Variants in IKBIP observed in about 807,000 individuals in gnomAD.
The protein encoded by IKBIP is IKBKB interacting protein.
In IKBIP, 28 loss-of-function variants were observed where a neutral mutation model predicts 31.0. The ratio of observed to expected loss-of-function variants is 0.90; its 90% CI spans 0.67 to 1.24. The LOEUF is 1.24. IKBIP is among the 50% of genes most tolerant of loss of function. The probability of loss-of-function intolerance (pLI) is 0.00; values close to 1 mark genes in which losing one functional copy is unlikely to be tolerated. For synonymous variants in IKBIP, 164 were observed against 160.3 expected (o/e 1.02, Z -0.17); for missense variants, 453 against 441.9 (o/e 1.03, Z -0.23).
At chr12:98,635,862 T>A (rs1322997636) in intron 1 of IKBIP, among the ~76,000 whole-genome samples, 1 of 152,170 alleles carries the variant, frequency 6.6e-6, no homozygotes, top group African/African-American at 2.4e-5. Context: ...GCAGAGTGTA[T>A]AAACTGCACA....
At position 98,625,370 on chromosome 12, in the gene IKBIP, G is replaced by T; in HGVS notation, c.*560C>A. 1.2e-6 allele frequency: 1 copy of T among 834,746 alleles called. No individual in the cohort carries two copies. The highest frequency in any genetic ancestry group is 1.4e-6 in the Non-Finnish European group (1 of 692,550). 51.7% of individuals were successfully genotyped at this position (834,746 alleles called of 1,614,324 possible). A position where few individuals can be genotyped will look rare whatever the true frequency, so the allele number is the denominator to read the frequency against. On this transcript the variant is annotated 3_prime_UTR_variant, in exon 3 of 3. Transcript: ENST00000299157. ...TATTAATTCATAGCAAAGGCACCAG[G>T]CTCTCCCTCAGGCATGTTATCTTTT...
downstream of IKBIP, among the ~76,000 whole-genome samples, chr12:98,621,859 C>T (rs944488094): frequency 1.3e-5 from 2 of 152,076 alleles, no homozygotes; most frequent in Non-Finnish European, 2.9e-5. Context: ...AGACGGATCA[C>T]GAGGTCAAGA....
downstream of IKBIP, among the ~76,000 whole-genome samples, chr12:98,623,560 C>CTTTTTT (rs35433597): frequency 1.4e-4 from 9 of 64,192 alleles, no homozygotes; most frequent in East Asian, 1.1e-3. Context: ...CCTCCTTACA[C>CTTTTTT]TTTTTTTTTT....
exon 3 of IKBIP, chr12:98,613,879 G>T (rs760314864): frequency 4.7e-5 from 76 of 1,613,114 alleles, no homozygotes; most frequent in Non-Finnish European, 6.3e-5. Flanking sequence ...TATGTTTGTC[G>T]AAGTCACTCT....
At chr12:98,637,486 G>A (rs1323735645) in intron 1 of IKBIP, among the ~76,000 whole-genome samples, 1 of 152,056 alleles carries the variant, frequency 6.6e-6, no homozygotes, top group Admixed American at 6.6e-5. Flanking sequence ...TTGGCTTACT[G>A]CAACCTCTGC....
At chr12:98,641,052 C>A (rs996209204) in intron 1 of IKBIP, among the ~76,000 whole-genome samples, 1 of 152,352 alleles carries the variant, frequency 6.6e-6, no homozygotes, top group South Asian at 2.1e-4. Flanking sequence ...GGAGCCACCA[C>A]ACCTGGCCTA....
In IKBIP at chr12:98,626,271, T is replaced by C. The variant is rs2097614214; in HGVS notation, c.793A>G (p.Lys265Glu). 1 of 1,614,082 alleles carries C rather than the reference T, an allele frequency of 6.2e-7. No individual in the cohort carries two copies. The highest frequency in any genetic ancestry group is 1.3e-5 in the African/African-American group (1 of 74,944). ...AAATGTGTCTTGCATTCTTCAACTT[T>C]GGGTTCGTAGTCGGAAAGTTTATTA... is the stretch of plus-strand genomic sequence containing the variant. ...LTNKLSDYEP[K>E]VEECKTHLPT... The change falls in exon 3 of 3, where the codon AAA becomes GAA. Residue 265 changes from lysine (K) to glutamate (E), a missense_variant. Coordinates refer to ENST00000299157, the MANE Select transcript of IKBIP (RefSeq NM_153687.4).
At position 98,626,284 on chromosome 12, in the gene IKBIP, G is replaced by A. The variant is rs148522090; in HGVS notation, c.780C>T (p.Ser260=). 8.7e-6 allele frequency: 14 copies of A among 1,613,976 alleles called. No homozygotes were observed. Among genetic ancestry groups the A allele is most frequent in the Middle Eastern group, 1.6e-4 (1 of 6,084 alleles). The change falls in exon 3 of 3, where the codon TCC becomes TCT. Residue 260 remains serine (S), a synonymous_variant. Coordinates refer to ENST00000299157, the MANE Select transcript of IKBIP (RefSeq NM_153687.4). The part of the protein sequence containing the change: ...ARDEDLTNKL[S]DYEPKVEECK... ...ATTCTTCAACTTTGGGTTCGTAGTCGGAAAGTTTATTAGTCAGATCTTCAT... is the reference window on the plus strand; with the variant it reads ...ATTCTTCAACTTTGGGTTCGTAGTCAGAAAGTTTATTAGTCAGATCTTCAT...
At position 98,625,006 on chromosome 12, in the gene IKBIP, CCT is replaced by C. The variant is rs2097612977; in HGVS notation, c.*922_*923del. On this transcript the variant is annotated 3_prime_UTR_variant, in exon 3 of 3. Transcript: ENST00000299157. ...TTTTTTAGTAGAGACAGGGTTTCAC[CCT>C]GTTAGCCAGATGGTCTTGATCTCCT... 8 of 441,902 alleles carry C rather than the reference CCT, an allele frequency of 1.8e-5. No homozygotes were observed. The highest frequency in any genetic ancestry group is 2.4e-5 in the Non-Finnish European group (8 of 333,618). The allele number at this position is 441,902 out of a possible 1,614,324, so 27.4% of individuals were successfully genotyped here.
At chr12:98,636,390 A>G (rs1423634220) in intron 1 of IKBIP, among the ~76,000 whole-genome samples, 2 of 152,236 alleles carry the variant, frequency 1.3e-5, no homozygotes, top group East Asian at 3.8e-4. Context: ...TTCCACTGAA[A>G]GGCAATCATT....
intron 2 of IKBIP, among the ~76,000 whole-genome samples, chr12:98,630,809 T>C (rs2097619380): frequency 6.6e-6 from 1 of 152,230 alleles, no homozygotes. Context: ...CTAGCTGTTT[T>C]CCCCTCCATC....
chr12:98,614,130 G>A (rs1306437211), exon 3 of IKBIP: 9 of 1,613,360 alleles, frequency 5.6e-6, no homozygotes, highest in Non-Finnish European at 7.6e-6. Flanking sequence ...GTAATCTTGA[G>A]ACCAACATCT....
chr12:98,634,291 A>G lies in IKBIP; in HGVS notation c.297+5T>C. 1 of 1,374,076 alleles carries G rather than the reference A, an allele frequency of 7.3e-7. No individual in the cohort carries two copies. Among genetic ancestry groups the G allele is most frequent in the African/African-American group, 1.4e-5 (1 of 70,030 alleles). The allele number at this position is 1,374,076 out of a possible 1,614,324, so 85.1% of individuals were successfully genotyped here. Reference sequence around the variant, plus strand: ...ACCGTCCCAGATAAGCCAATTAATGATTACCTTTTCTGAAATTAAACTGAT... The same window carrying G: ...ACCGTCCCAGATAAGCCAATTAATGGTTACCTTTTCTGAAATTAAACTGAT... On this transcript the variant is annotated splice_donor_5th_base_variant and intron_variant, in intron 2 of 2. Coordinates refer to ENST00000299157, the MANE Select transcript of IKBIP (RefSeq NM_153687.4).
At chr12:98,624,154 G>A (rs1203605003), downstream of IKBIP, 1 of 395,346 alleles carries the variant, frequency 2.5e-6, no homozygotes, top group African/African-American at 2.2e-5. Context: ...TAAATGTGGT[G>A]ATCGGTGAGA....
chr12:98,616,674 A>G (rs1044905906), intron 2 of IKBIP, among the ~76,000 whole-genome samples: 3 of 152,182 alleles, frequency 2.0e-5, no homozygotes, highest in Admixed American at 1.3e-4. Context: ...ATGGTTTGAT[A>G]TAAGGGTCCA....
rs946272930 is a variant in IKBIP, at chr12:98,618,416, A to G, written c.298-4076T>C. Among the ~76,000 whole-genome samples the G allele has an allele frequency of 4.6e-5, 7 of 151,832 alleles. No homozygotes were observed. In the East Asian group the frequency reaches 7.8e-4, roughly 17 times the overall value. ...CCGAGGTGGGCGGATCACAAGGTCA[A>G]GAGATCGAGACCATCCTGGCTAATG... On this transcript the variant is annotated intron_variant, in intron 2 of 2. Transcript: ENST00000342502.
chr12:98,616,508 T>G (rs1430252790), intron 2 of IKBIP, among the ~76,000 whole-genome samples: 1 of 152,208 alleles, frequency 6.6e-6, no homozygotes. Flanking sequence ...TATTTATCTA[T>G]TTTTGCTTTT....
Position 98,624,346 on chromosome 12 carries a change from T to C in IKBIP, c.*1584A>G. 1.1e-5 allele frequency: 11 copies of C among 984,796 alleles called. No homozygotes were observed. The highest frequency in any genetic ancestry group is 1.2e-5 in the Non-Finnish European group (10 of 829,364). 61.0% of individuals were successfully genotyped at this position (984,796 alleles called of 1,614,324 possible). A position where few individuals can be genotyped will look rare whatever the true frequency, so the allele number is the denominator to read the frequency against. ...AGAGACATTCAGAAGTCAAGAAGTGTAATTTTAAGACTGCAAAAATTAATG... is the reference window on the plus strand; with the variant it reads ...AGAGACATTCAGAAGTCAAGAAGTGCAATTTTAAGACTGCAAAAATTAATG... On this transcript the variant is annotated 3_prime_UTR_variant, in exon 3 of 3. Transcript: ENST00000299157.
downstream of IKBIP, among the ~76,000 whole-genome samples, chr12:98,620,031 G>A (rs1176892763): frequency 5.3e-5 from 8 of 150,742 alleles, no homozygotes; most frequent in Admixed American, 5.3e-4. Flanking sequence ...TGATTCTCCG[G>A]CCTCAGCCTC....
Sources: allele counts gnomAD v4.1 joint callset (sites outside exome capture counted in the v4.1 genomes callset), GRCh38; gene constraint gnomAD v4.1.1; transcripts MANE v1.5; gene names NCBI Gene and HGNC (gene_info 2026-07-23, HGNC 2026-07-21).